TMEM114: variants seen among roughly 807,000 people sequenced by gnomAD.
TMEM114 encodes the protein transmembrane protein 114.
TMEM114 carries 6 observed loss-of-function variants against 6.2 expected under a neutral mutation model. That is an observed-to-expected ratio of 0.97 (90% CI 0.53 to 1.91). The LOEUF is 1.91. Among genes scored for constraint, TMEM114 ranks in the 40% most tolerant of loss-of-function variants. The probability of loss-of-function intolerance (pLI) is 0.01; values close to 1 mark genes in which losing one functional copy is unlikely to be tolerated. For synonymous variants in TMEM114, 104 were observed against 73.0 expected, an observed-to-expected ratio of 1.42 and a Z score of -2.16; for missense variants, 218 against 158.3, an observed-to-expected ratio of 1.38 and a Z score of -2.02.
At chr16:8,547,196 T>A (rs1900697059) in intron 2 of TMEM114, among the ~76,000 whole-genome samples, 1 of 152,064 alleles carries the variant, frequency 6.6e-6, no homozygotes, top group African/African-American at 2.4e-5. Context: ...TGTCATGATT[T>A]TTGCATTAAA....
chr16:8,550,729 C>T (rs1173988936), intron 2 of TMEM114, among the ~76,000 whole-genome samples: 1 of 148,814 alleles, frequency 6.7e-6, no homozygotes, highest in Admixed American at 6.7e-5. Context: ...AACAAACAAA[C>T]ACTGGTCCCT....
intron 2 of TMEM114, among the ~76,000 whole-genome samples, chr16:8,546,513 C>T (rs535398709): frequency 6.6e-6 from 1 of 152,296 alleles, no homozygotes; most frequent in African/African-American, 2.4e-5. Flanking sequence ...AACCTGTTCT[C>T]TGTAAGTCAG....
At chr16:8,557,789 G>A (rs1596475065) in intron 2 of TMEM114, among the ~76,000 whole-genome samples, 1 of 152,192 alleles carries the variant, frequency 6.6e-6, no homozygotes, top group African/African-American at 2.4e-5. Flanking sequence ...AGAAGATAAA[G>A]CGCCATCATC....
At chr16:8,564,567 GAATGAGTGAGTGAGTA>G (rs1901453599), downstream of TMEM114, among the ~76,000 whole-genome samples, 2 of 146,652 alleles carry the variant, frequency 1.4e-5, 1 homozygote, top group Non-Finnish European at 3.0e-5. Flanking sequence ...GTGAGTGAGT[GAATGAGTGAGTGAGTA>G]AATGAGTGAG....
At chr16:8,550,239 C>G (rs952570239) in intron 2 of TMEM114, among the ~76,000 whole-genome samples, 3 of 152,220 alleles carry the variant, frequency 2.0e-5, no homozygotes, top group African/African-American at 7.2e-5. Flanking sequence ...TCCACTGACT[C>G]AAATGATAAT....
intron 2 of TMEM114, among the ~76,000 whole-genome samples, chr16:8,539,089 TA>T (rs1311850764): frequency 6.6e-6 from 1 of 152,184 alleles, no homozygotes; most frequent in African/African-American, 2.4e-5. Flanking sequence ...CGATTTTTTT[TA>T]GTTACTTCCA....
At chr16:8,588,073 G>A (rs1312668300) in intron 2 of TMEM114, among the ~76,000 whole-genome samples, 2 of 151,998 alleles carry the variant, frequency 1.3e-5, no homozygotes, top group Non-Finnish European at 1.5e-5. Context: ...ATCACTTGAG[G>A]TCAGGAGTTC....
chr16:8,574,099 A>G (rs533520565), intron 2 of TMEM114, among the ~76,000 whole-genome samples: 173 of 152,318 alleles, frequency 1.1e-3, no homozygotes, highest in African/African-American at 3.9e-3. Context: ...AGGGAGCCCA[A>G]TAGATGACCT....
intron 2 of TMEM114, among the ~76,000 whole-genome samples, chr16:8,550,456 G>A (rs956161845): frequency 8.0e-5 from 12 of 149,822 alleles, no homozygotes; most frequent in African/African-American, 2.4e-4. Flanking sequence ...CAAGGCGGGC[G>A]GATGATGAGG....
chr16:8,559,042 C>G (rs530654054), intron 2 of TMEM114, among the ~76,000 whole-genome samples: 6 of 151,202 alleles, frequency 4.0e-5, no homozygotes, highest in Admixed American at 6.6e-5. Context: ...TGCACCCGGC[C>G]TCTTTTTATT....
chr16:8,568,173 G>T (rs771779917), downstream of TMEM114, among the ~76,000 whole-genome samples: 3 of 152,148 alleles, frequency 2.0e-5, no homozygotes, highest in African/African-American at 7.2e-5. Flanking sequence ...ACCCTGCTTT[G>T]CTTATCTCCT....
the TMEM114 span, chr16:8,532,144 T>G: frequency 6.6e-6 from 1 of 152,192 alleles, no homozygotes; most frequent in African/African-American, 2.4e-5. Flanking sequence ...AATCTTGATT[T>G]GATGGGTTTT....
At chr16:8,527,543 A>ATT in the TMEM114 span, among the ~76,000 whole-genome samples, 1 of 151,856 alleles carries the variant, frequency 6.6e-6, no homozygotes, top group South Asian at 2.1e-4. Flanking sequence ...CTGTAGTAAG[A>ATT]TTTTTTTTAA....
chr16:8,544,022 A>G (rs1383310333), intron 2 of TMEM114, among the ~76,000 whole-genome samples: 3 of 152,210 alleles, frequency 2.0e-5, no homozygotes, highest in Non-Finnish European at 4.4e-5. Flanking sequence ...AGGAAGCGCA[A>G]CGCTAAATGC....
the TMEM114 span, among the ~76,000 whole-genome samples, chr16:8,532,528 C>G: frequency 6.6e-6 from 1 of 152,202 alleles, no homozygotes; most frequent in Non-Finnish European, 1.5e-5. Flanking sequence ...AAACACCTTA[C>G]TAAAATTACA....
intron 2 of TMEM114, among the ~76,000 whole-genome samples, chr16:8,585,951 G>A (rs1902305871): frequency 1.3e-5 from 2 of 152,220 alleles, no homozygotes; most frequent in Non-Finnish European, 2.9e-5. Flanking sequence ...CTAGGACTGA[G>A]GGTGAACGAG....
At chr16:8,561,207 C>T (rs1003288654) in intron 2 of TMEM114, among the ~76,000 whole-genome samples, 4 of 152,226 alleles carry the variant, frequency 2.6e-5, no homozygotes, top group South Asian at 2.1e-4. Context: ...GTCTGTCCAG[C>T]CCTAGGGAGA....
intron 3 of TMEM114, among the ~76,000 whole-genome samples, chr16:8,571,116 C>CTT (rs369576574): frequency 7.2e-4 from 74 of 102,950 alleles, no homozygotes; most frequent in African/African-American, 2.6e-3. Flanking sequence ...GTCATCACTG[C>CTT]TTTTTTTTTT....
chr16:8,551,200 G>C (rs761600406), intron 2 of TMEM114, among the ~76,000 whole-genome samples: 1 of 152,098 alleles, frequency 6.6e-6, no homozygotes, highest in Admixed American at 6.6e-5. Context: ...ACAAGACTCT[G>C]GCCAAAACAT....
Sources: gnomAD v4.1 joint callset for allele counts (sites outside exome capture counted in the v4.1 genomes callset) on GRCh38, gnomAD v4.1.1 for gene constraint, MANE v1.5 for transcripts, NCBI Gene and HGNC (gene_info 2026-07-23, HGNC 2026-07-21) for gene names.